The following HECTD4 variants were observed in gnomAD, a reference collection of about 807,000 sequenced individuals.
HECTD4 encodes the protein probable E3 ubiquitin-protein ligase HECTD4.
A neutral mutation model predicts 471.5 loss-of-function variants in HECTD4; 114 were observed. The ratio of observed to expected loss-of-function variants is 0.24; its 90% CI spans 0.21 to 0.28. The LOEUF (loss-of-function observed/expected upper bound fraction) is 0.28, where lower values mean the gene tolerates loss of function less well. HECTD4 is among the 10% of genes least tolerant of loss of function. The probability of loss-of-function intolerance (pLI) is 1.00; values close to 1 mark genes in which losing one functional copy is unlikely to be tolerated. For missense variants in HECTD4, 3,866 were observed against 5,651.5 expected (o/e 0.68, Z 10.13); for synonymous variants, 2,012 against 2,256.0 (o/e 0.89, Z 3.07).
rs370708049 is a variant in HECTD4, at chr12:112,229,735, C to G, written c.6482G>C (p.Gly2161Ala). 7 of 1,613,770 alleles carry G rather than the reference C, an allele frequency of 4.3e-6. No individual in the cohort carries two copies. The African/African-American group carries it at 9.3e-5, about 22-fold the overall frequency. Reference sequence around the variant, plus strand: ...TCCTATCTTGATTGTCTCTTTGAAGCCTCCAAGTGCACACAGTGCGGCAAC... The same window carrying G: ...TCCTATCTTGATTGTCTCTTTGAAGGCTCCAAGTGCACACAGTGCGGCAAC... ...QAVAALCALG[G>A]FKETIKIGSE... Residue 2161 changes from glycine to alanine, a missense_variant, in exon 41 of 76, where the codon GGC becomes GCC. Physicochemically the swap from Gly to Ala is moderately conservative, Grantham distance 60. This residue lies in a region of HECTD4 where 617 missense variants were observed against 915.1 expected (regional missense o/e 0.67). Coordinates refer to ENST00000682272, the MANE Select transcript of HECTD4 (RefSeq NM_001388303.1).
rs776708727 is a variant in HECTD4 at position 112,193,722 on chromosome 12, T to C, written c.8750-48A>G. On this transcript the variant is annotated intron_variant, in intron 56 of 75. Transcript: ENST00000682272. This position sits in a 1 kb window ranked among gnomAD's most constrained non-coding sequence, Gnocchi z 5.2. Reference sequence around the variant, plus strand: ...AGTTGACAAGAATCAAAGCAGCCAGTAGCTGTGAGAGTCTAAGTAACAGAA... The same window carrying C: ...AGTTGACAAGAATCAAAGCAGCCAGCAGCTGTGAGAGTCTAAGTAACAGAA... The C allele has an allele frequency of 8.5e-6, 13 of 1,526,582 alleles. No individual in the cohort carries two copies. The Admixed American group carries it at 1.3e-4, about 15-fold the overall frequency. The allele number at this position is 1,526,582 out of a possible 1,614,324, so 94.6% of individuals were successfully genotyped here.
chr12:112,257,006 C>T (rs2034028523), intron 20 of HECTD4, among the ~76,000 whole-genome samples: 1 of 152,112 alleles, frequency 6.6e-6, no homozygotes, highest in Non-Finnish European at 1.5e-5. Flanking sequence ...CTACTTTTCA[C>T]CATAATTTTT....
chr12:112,287,094 C>T (rs1056030370), intron 7 of HECTD4, among the ~76,000 whole-genome samples: 2 of 152,164 alleles, frequency 1.3e-5, no homozygotes, highest in African/African-American at 4.8e-5. Context: ...TCTTATCATT[C>T]AGGTCTCAGC....
rs370589124 is a variant in HECTD4 at position 112,236,904 on chromosome 12, A to G, written c.5444+41T>C. 3.3e-4 allele frequency: 495 copies of G among 1,490,020 alleles called. 1 individual carries two copies. Among genetic ancestry groups the G allele is most frequent in the Non-Finnish European group, 3.8e-4 (424 of 1,113,656 alleles). 92.3% of individuals were successfully genotyped at this position (1,490,020 alleles called of 1,614,324 possible). ...AAGAAACCCCAATCGTTCAAGAGGAAAGCCAGCTTCTCCCAGAGCTCCAGG... is the reference window on the plus strand; with the variant it reads ...AAGAAACCCCAATCGTTCAAGAGGAGAGCCAGCTTCTCCCAGAGCTCCAGG... On this transcript the variant is annotated intron_variant, in intron 35 of 75. Coordinates refer to ENST00000682272, the MANE Select transcript of HECTD4 (RefSeq NM_001388303.1).
intron 49 of HECTD4, 111 bp from the exon 50 acceptor site, chr12:112,210,363 G>A: frequency 8.7e-7 from 1 of 1,148,944 alleles, no homozygotes. Flanking sequence ...AGCCCGAGGT[G>A]TGTGCTGGCA....
intron 65 of HECTD4, among the ~76,000 whole-genome samples, chr12:112,176,388 C>T (rs867465899): frequency 2.0e-5 from 3 of 152,208 alleles, no homozygotes; most frequent in Admixed American, 6.5e-5. Flanking sequence ...AAGATGGCAT[C>T]GAGGGGCGAT....
Position 112,178,916 on chromosome 12 carries a change from C to A in HECTD4, c.11363+15G>T. 6.3e-7 allele frequency: 1 copy of A among 1,599,112 alleles called. No individual in the cohort carries two copies. Among genetic ancestry groups the A allele is most frequent in the Non-Finnish European group, 8.5e-7 (1 of 1,171,886 alleles). ...GCCCACAGGCTGGGCTGCCCAGGCT[C>A]CTTGGGGCACGCACCTGACGCTGTT... On this transcript the variant is annotated intron_variant, in intron 64 of 75. Coordinates refer to ENST00000682272, the MANE Select transcript of HECTD4 (RefSeq NM_001388303.1).
At chr12:112,234,438 C>T (rs988697511) in intron 37 of HECTD4, among the ~76,000 whole-genome samples, 2 of 152,158 alleles carry the variant, frequency 1.3e-5, no homozygotes, top group African/African-American at 4.8e-5. Context: ...ATGACAACAT[C>T]GTCAGATCAT....
chr12:112,202,832 G>A (rs1245346255), intron 54 of HECTD4: 1 of 152,196 alleles, frequency 6.6e-6, no homozygotes, highest in Admixed American at 6.5e-5. Flanking sequence ...TCCTAGGAGA[G>A]AGCTTTGCAA....
chr12:112,300,158 T>C (rs966894947), intron 7 of HECTD4, among the ~76,000 whole-genome samples: 1 of 151,528 alleles, frequency 6.6e-6, no homozygotes, highest in African/African-American at 2.4e-5. Context: ...CTGCTAAAAA[T>C]ACAAAAATTA....
At chr12:112,178,027 T>C (rs2031519586) in intron 64 of HECTD4, among the ~76,000 whole-genome samples, 1 of 152,238 alleles carries the variant, frequency 6.6e-6, no homozygotes, top group East Asian at 1.9e-4. Context: ...TAAAAGTAGT[T>C]GCTATGCAAG....
At chr12:112,362,922 G>T (rs998121931) in intron 1 of HECTD4, among the ~76,000 whole-genome samples, 1 of 151,884 alleles carries the variant, frequency 6.6e-6, no homozygotes, top group African/African-American at 2.4e-5. Flanking sequence ...GGCTGGTCTC[G>T]AATTCCCGAC....
Position 112,250,264 on chromosome 12 carries a change from A to G in HECTD4, c.3830T>C (p.Val1277Ala). The part of the protein sequence containing the change: ...EDREFTYPSD[V>A]LVPPVGNYFD... ...GTAGTTTCCAACAGGAGGCACGAGG[A>G]CATCAGAGGGGTAGGTGAATTCTCT... The change falls in exon 25 of 76, where the codon GTC becomes GCC. Residue 1277 changes from valine (V) to alanine (A), a missense_variant. By Grantham distance (64) the Val-to-Ala change is moderately conservative. Coordinates refer to ENST00000682272, the MANE Select transcript of HECTD4 (RefSeq NM_001388303.1). 6.2e-7 allele frequency: 1 copy of G among 1,613,992 alleles called. No individual in the cohort carries two copies. The highest frequency in any genetic ancestry group is 8.5e-7 in the Non-Finnish European group (1 of 1,179,864).
At chr12:112,170,290 G>T (rs2031161650) in intron 69 of HECTD4, 43 bp downstream of exon 69, 3 of 1,606,188 alleles carry the variant, frequency 1.9e-6, no homozygotes, top group Non-Finnish European at 2.6e-6. Context: ...GTGTGTTTAG[G>T]CACTGCCATT....
chr12:112,263,732 C>T (rs201546420), intron 17 of HECTD4, among the ~76,000 whole-genome samples: 11,760 of 147,230 alleles, frequency 0.08, 1,331 homozygotes, highest in East Asian at 0.56. Context: ...TATACACACA[C>T]ACACACACAC....
chr12:112,226,261 T>G (rs998984805), intron 44 of HECTD4, among the ~76,000 whole-genome samples: 1 of 152,038 alleles, frequency 6.6e-6, no homozygotes, highest in Non-Finnish European at 1.5e-5. Flanking sequence ...GGATGGATGT[T>G]AGTGCAAACT....
In HECTD4 at chr12:112,316,146, G is replaced by A. The variant is rs952151543; in HGVS notation, c.696-1600C>T. Among the ~76,000 whole-genome samples, 6 of 151,908 alleles carry A rather than the reference G, an allele frequency of 3.9e-5. No homozygotes were observed. The East Asian group carries it at 5.8e-4, about 15-fold the overall frequency. On this transcript the variant is annotated intron_variant, in intron 2 of 75. Transcript: ENST00000682272. ...CCTGCCCCTCTCCTTCTACTATCAC[G>A]TTCCAGAAACCCTGCCCACTGTGCT...
chr12:112,170,640 G>A, intron 68 of HECTD4, 188 bp from the exon 69 acceptor site: 1 of 617,400 alleles, frequency 1.6e-6, no homozygotes, highest in Non-Finnish European at 2.7e-6. Context: ...ATTCCCAGGA[G>A]ACATCCAATT....
intron 7 of HECTD4, among the ~76,000 whole-genome samples, chr12:112,304,238 A>ATTTTTTTTTT (rs760947859): frequency 1.9e-5 from 2 of 104,398 alleles, no homozygotes; most frequent in East Asian, 4.4e-4. Flanking sequence ...TAAAGACCTA[A>ATTTTTTTTTT]TTTTTTTTTT....
Sources: allele counts gnomAD v4.1 joint callset (sites outside exome capture counted in the v4.1 genomes callset), GRCh38; gene constraint gnomAD v4.1.1; regional missense constraint gnomAD v4.1.1; non-coding constraint Gnocchi (gnomAD v3.1); transcripts MANE v1.5; gene names NCBI Gene and HGNC (gene_info 2026-07-23, HGNC 2026-07-21).